The following AMZ1 variants were observed in gnomAD, a reference collection of about 807,000 sequenced individuals.
AMZ1 encodes archaemetzincin-1.
Under a neutral mutation model 29.9 loss-of-function variants are expected in AMZ1, and 39 were observed. That is an observed-to-expected ratio of 1.30 (90% CI 1.01 to 1.70). The LOEUF (loss-of-function observed/expected upper bound fraction) is 1.70. Ranked by LOEUF, AMZ1 falls within the 40% of genes most tolerant of loss-of-function variation. AMZ1 has a pLI of 0.00. For missense variants in AMZ1, 1,041 were observed against 680.6 expected (o/e 1.53, Z -5.89); for synonymous variants, 458 against 304.0 (o/e 1.51, Z -5.27).
intron 1 of AMZ1, among the ~76,000 whole-genome samples, chr7:2,697,017 G>A (rs2115083968): frequency 6.6e-6 from 1 of 152,344 alleles, no homozygotes; most frequent in South Asian, 2.1e-4. Flanking sequence ...CCTTCTAGGA[G>A]TCCATCTTGA....
At chr7:2,751,761 T>C (rs531099654) in intron 4 of AMZ1, among the ~76,000 whole-genome samples, 4 of 152,334 alleles carry the variant, frequency 2.6e-5, no homozygotes, top group Non-Finnish European at 5.9e-5. Flanking sequence ...GGACATCTTA[T>C]ACGAAATGGA....
intron 4 of AMZ1, among the ~76,000 whole-genome samples, chr7:2,756,859 G>T (rs986114812): frequency 6.6e-6 from 1 of 152,038 alleles, no homozygotes; most frequent in Admixed American, 6.5e-5. Context: ...GATCCCTTGA[G>T]CCCAGGCCAT....
chr7:2,710,619 T>C (rs1453026565), intron 6 of AMZ1, among the ~76,000 whole-genome samples: 1 of 152,160 alleles, frequency 6.6e-6, no homozygotes, highest in East Asian at 1.9e-4. Context: ...GGGTCCTGGG[T>C]GACACTGAAC....
At chr7:2,737,659 C>T (rs1265415538) in intron 4 of AMZ1, among the ~76,000 whole-genome samples, 2 of 152,062 alleles carry the variant, frequency 1.3e-5, no homozygotes, top group African/African-American at 4.8e-5. Context: ...ACACTGTGAC[C>T]GAAAACAGGG....
In AMZ1 at chr7:2,704,987, C is replaced by T. The variant is rs140131495; in HGVS notation, c.472+2098C>T. On this transcript the variant is annotated intron_variant, in intron 3 of 6. Coordinates refer to ENST00000683327, the MANE Select transcript of AMZ1 (RefSeq NM_001384743.1). Reference sequence around the variant, plus strand: ...GAACATAGTTGCTTGACCGTCTGTCCGATGATTACACTATCTGGAGTGCCC... The same window carrying T: ...GAACATAGTTGCTTGACCGTCTGTCTGATGATTACACTATCTGGAGTGCCC... Among the ~76,000 whole-genome samples, 158 of 152,264 alleles carry T rather than the reference C, an allele frequency of 1.0e-3. 1 individual carries two copies. Among genetic ancestry groups the T allele is most frequent in the African/African-American group, 3.3e-3 (136 of 41,550 alleles).
chr7:2,701,361 A>T (rs1013735328), intron 2 of AMZ1, among the ~76,000 whole-genome samples: 1 of 151,996 alleles, frequency 6.6e-6, no homozygotes, highest in Non-Finnish European at 1.5e-5. Flanking sequence ...TAGGGACGGG[A>T]CTGGAACGCA....
At chr7:2,751,749 T>C (rs1444674461) in intron 4 of AMZ1, among the ~76,000 whole-genome samples, 1 of 152,208 alleles carries the variant, frequency 6.6e-6, no homozygotes, top group East Asian at 1.9e-4. Context: ...TGCTAACAGA[T>C]TGGACATCTT....
At chr7:2,757,127 GCCT>G (rs1562409539) in intron 4 of AMZ1, among the ~76,000 whole-genome samples, 1 of 133,474 alleles carries the variant, frequency 7.5e-6, no homozygotes, top group Non-Finnish European at 1.5e-5. Flanking sequence ...AATCAGGTGG[GCCT>G]TTTTTTTTTT....
At chr7:2,712,291 T>C (rs1405795357) in intron 6 of AMZ1, 39 bp from the exon 7 acceptor site, 1 of 1,517,084 alleles carries the variant, frequency 6.6e-7, no homozygotes, top group Non-Finnish European at 8.8e-7. Context: ...AGACAAGGGC[T>C]GGCACGGAGC....
At chr7:2,697,510 A>C (rs1787814083) in intron 1 of AMZ1, among the ~76,000 whole-genome samples, 1 of 151,516 alleles carries the variant, frequency 6.6e-6, no homozygotes, top group South Asian at 2.1e-4. Context: ...TGCAGCCTTG[A>C]CTTTCTGGGC....
chr7:2,743,689 G>A (rs745856879), intron 4 of AMZ1, among the ~76,000 whole-genome samples: 5 of 152,156 alleles, frequency 3.3e-5, no homozygotes, highest in Admixed American at 6.5e-5. Context: ...GACAGTGGGC[G>A]CAGCGCACTG....
At position 2,731,164 on chromosome 7, in the gene AMZ1, C is replaced by A; in HGVS notation, n.550+21348C>A. 6.3e-7 allele frequency: 1 copy of A among 1,578,170 alleles called. No homozygotes were observed. The highest frequency in any genetic ancestry group is 1.3e-5 in the African/African-American group (1 of 74,420). ...GTGGGGGCTGCTCAACGACGACAAA[C>A]CCCGGGGCTTCCTCGCTCACTGCAG... On this transcript the variant is annotated intron_variant and non_coding_transcript_variant, in intron 4 of 4. Transcript: ENST00000489665. This position sits in a 1 kb window ranked among gnomAD's most constrained non-coding sequence, Gnocchi z 6.0.
Position 2,682,080 on chromosome 7 carries a change from G to A in AMZ1, c.-219+2409G>A, listed in dbSNP as rs559610264. Among the ~76,000 whole-genome samples the A allele has an allele frequency of 2.0e-5, 3 of 152,326 alleles. No homozygotes were observed. The South Asian group carries it at 6.2e-4, about 32-fold the overall frequency. On this transcript the variant is annotated intron_variant, in intron 1 of 6. Transcript: ENST00000312371. ...CTGGCTGCTCTCTGGAGGGAACAAG[G>A]GCTTTCAGAGCTGGGGACCCGACGT...
intron 1 of AMZ1, among the ~76,000 whole-genome samples, chr7:2,692,147 G>A (rs945921052): frequency 3.3e-5 from 5 of 152,186 alleles, no homozygotes; most frequent in Non-Finnish European, 5.9e-5. Flanking sequence ...CTCCGAGGCC[G>A]GCTAAGTGCC....
At chr7:2,712,074 T>G (rs1048162764) in intron 6 of AMZ1, among the ~76,000 whole-genome samples, 3 of 152,156 alleles carry the variant, frequency 2.0e-5, no homozygotes, top group Admixed American at 1.3e-4. Flanking sequence ...TTAAGTGTTC[T>G]AACTTTGGAT....
intron 1 of AMZ1, among the ~76,000 whole-genome samples, chr7:2,697,333 G>A (rs1252588405): frequency 6.6e-6 from 1 of 152,130 alleles, no homozygotes; most frequent in African/African-American, 2.4e-5. Flanking sequence ...CTGACCTCGG[G>A]TGATCCAGCA....
At chr7:2,684,172 C>T (rs897499991), upstream of AMZ1, among the ~76,000 whole-genome samples, 3 of 150,700 alleles carry the variant, frequency 2.0e-5, no homozygotes, top group Non-Finnish European at 2.9e-5. Flanking sequence ...AGCGAGACTC[C>T]ATCTCAAAAA....
chr7:2,711,323 T>C (rs1374512694), intron 6 of AMZ1, among the ~76,000 whole-genome samples: 1 of 152,226 alleles, frequency 6.6e-6, no homozygotes, highest in Admixed American at 6.5e-5. Flanking sequence ...TGCTGTCCAC[T>C]GACAGCAATC....
chr7:2,752,318 C>G (rs368218231), intron 4 of AMZ1, among the ~76,000 whole-genome samples: 9 of 152,130 alleles, frequency 5.9e-5, no homozygotes, highest in African/African-American at 2.2e-4. Flanking sequence ...TCTATGAAAA[C>G]CATGCAACTA....
Sources: allele counts gnomAD v4.1 joint callset (sites outside exome capture counted in the v4.1 genomes callset), GRCh38; gene constraint gnomAD v4.1.1; non-coding constraint Gnocchi (gnomAD v3.1); transcripts MANE v1.5; gene names NCBI Gene and HGNC (gene_info 2026-07-23, HGNC 2026-07-21).